The following CSMD1 variants were observed in gnomAD, a reference collection of about 807,000 sequenced individuals.
CSMD1 encodes the protein CUB and sushi domain-containing protein 1.
In CSMD1, 213 loss-of-function variants were observed where a neutral mutation model predicts 417.5. The ratio of observed to expected loss-of-function variants is 0.51; its 90% CI spans 0.46 to 0.57. CSMD1 has a LOEUF of 0.57. CSMD1 is among the 20% of genes least tolerant of loss of function. CSMD1 has a pLI of 0.00. For missense variants in CSMD1, 6,923 were observed against 4,529.7 expected, an observed-to-expected ratio of 1.53 and a Z score of -15.17; for synonymous variants, 2,862 against 1,736.8, an observed-to-expected ratio of 1.65 and a Z score of -16.11.
chr8:4,538,891 C>G (rs1313175790), intron 2 of CSMD1, among the ~76,000 whole-genome samples: 1 of 152,086 alleles, frequency 6.6e-6, no homozygotes, highest in Non-Finnish European at 1.5e-5. Context: ...CCAAAGTTCC[C>G]CTTTTATGGA....
At chr8:4,148,284 C>T (rs1343870849) in intron 3 of CSMD1, among the ~76,000 whole-genome samples, 2 of 146,710 alleles carry the variant, frequency 1.4e-5, no homozygotes, top group Non-Finnish European at 3.0e-5. Flanking sequence ...AACCAAACAC[C>T]ACATGTTCTC....
intron 1 of CSMD1, among the ~76,000 whole-genome samples, chr8:4,793,012 A>C (rs905336290): frequency 6.6e-6 from 1 of 151,830 alleles, no homozygotes; most frequent in Non-Finnish European, 1.5e-5. Flanking sequence ...ATATATCTCC[A>C]CACACATACA....
chr8:3,246,452 T>C (rs933439502), intron 26 of CSMD1, among the ~76,000 whole-genome samples: 1 of 152,046 alleles, frequency 6.6e-6, no homozygotes, highest in Admixed American at 6.6e-5. Context: ...TTCACCCCCA[T>C]TCTCTTTATT....
At chr8:3,202,582 A>C (rs1164143278) in intron 31 of CSMD1, among the ~76,000 whole-genome samples, 1 of 152,214 alleles carries the variant, frequency 6.6e-6, no homozygotes, top group Non-Finnish European at 1.5e-5. Context: ...ACTTACAAGC[A>C]ATGAACAACT....
chr8:4,589,319 T>G (rs748409608), intron 2 of CSMD1, among the ~76,000 whole-genome samples: 32 of 152,232 alleles, frequency 2.1e-4, no homozygotes, highest in Non-Finnish European at 3.7e-4. Context: ...CTCAGTGATC[T>G]TTAGCCATGT....
At chr8:4,804,037 C>T (rs988947444) in intron 1 of CSMD1, among the ~76,000 whole-genome samples, 4 of 152,118 alleles carry the variant, frequency 2.6e-5, no homozygotes, top group African/African-American at 7.2e-5. Flanking sequence ...TTTTAAATGC[C>T]AACAAAACAG....
chr8:3,840,533 A>T (rs1210836039), intron 5 of CSMD1, among the ~76,000 whole-genome samples: 2 of 152,148 alleles, frequency 1.3e-5, no homozygotes, highest in Non-Finnish European at 2.9e-5. Context: ...GAGGAAATGC[A>T]TTCATGTAAT....
intron 3 of CSMD1, among the ~76,000 whole-genome samples, chr8:4,254,447 A>G (rs1343486445): frequency 6.6e-6 from 1 of 152,154 alleles, no homozygotes; most frequent in Non-Finnish European, 1.5e-5. Flanking sequence ...CTGAACAATG[A>G]TCACTAAGCG....
chr8:3,074,102 G>A (rs986945002), intron 49 of CSMD1, among the ~76,000 whole-genome samples: 23 of 152,226 alleles, frequency 1.5e-4, no homozygotes, highest in Admixed American at 7.9e-4. Context: ...AGTGGTGGCA[G>A]AAATACGTTT....
Position 4,678,237 on chromosome 8 carries a change from C to T in CSMD1, c.86-40679G>A, listed in dbSNP as rs558063032. ...GTCAGCCTGGCCAACCTGGTGAAAC[C>T]CTGTCTCTAATGAAAATACAAAAAT... On this transcript the variant is annotated intron_variant, in intron 1 of 69. Coordinates refer to ENST00000635120, the MANE Select transcript of CSMD1 (RefSeq NM_033225.6). Among the ~76,000 whole-genome samples, 15 of 151,920 alleles carry T rather than the reference C, an allele frequency of 9.9e-5. No individual in the cohort carries two copies. The South Asian group carries it at 2.3e-3, about 23-fold the overall frequency.
intron 12 of CSMD1, among the ~76,000 whole-genome samples, 163 bp downstream of exon 12, chr8:3,468,549 C>G (rs181016421): frequency 5.9e-5 from 9 of 152,266 alleles, no homozygotes; most frequent in East Asian, 1.9e-4. Flanking sequence ...TTCTCATTCA[C>G]GAAAGCGAGT....
At chr8:2,963,612 G>C (rs1162883967) in intron 59 of CSMD1, among the ~76,000 whole-genome samples, 1 of 152,008 alleles carries the variant, frequency 6.6e-6, no homozygotes, top group East Asian at 1.9e-4. Flanking sequence ...GTCTATAAAA[G>C]CAAAGTCAAG....
intron 1 of CSMD1, among the ~76,000 whole-genome samples, chr8:4,685,426 C>A (rs1323352528): frequency 6.6e-6 from 1 of 151,750 alleles, no homozygotes; most frequent in African/African-American, 2.4e-5. Flanking sequence ...ATACAAAATA[C>A]TAGCTGAGTG....
chr8:3,036,075 T>A (rs1287704517), intron 50 of CSMD1, among the ~76,000 whole-genome samples: 1 of 152,180 alleles, frequency 6.6e-6, no homozygotes, highest in Non-Finnish European at 1.5e-5. Flanking sequence ...CAATATATAG[T>A]CCTGTGCATA....
intron 3 of CSMD1, among the ~76,000 whole-genome samples, chr8:4,338,631 A>G (rs1232461551): frequency 6.6e-6 from 1 of 152,146 alleles, no homozygotes; most frequent in Non-Finnish European, 1.5e-5. Context: ...TTAGGTCCAT[A>G]AATTTAGCTG....
chr8:4,904,756 C>T (rs1221593373), intron 1 of CSMD1, among the ~76,000 whole-genome samples: 1 of 152,072 alleles, frequency 6.6e-6, no homozygotes, highest in Non-Finnish European at 1.5e-5. Context: ...AACAAAAACA[C>T]CTTTAATATG....
chr8:3,603,475 C>T (rs1057252877), intron 8 of CSMD1, among the ~76,000 whole-genome samples: 4 of 152,126 alleles, frequency 2.6e-5, no homozygotes, highest in Non-Finnish European at 5.9e-5. Flanking sequence ...CCACTTTGTC[C>T]TCCTTCACCT....
chr8:4,154,655 T>C (rs1322730756), intron 3 of CSMD1, among the ~76,000 whole-genome samples: 2 of 152,222 alleles, frequency 1.3e-5, no homozygotes, highest in Non-Finnish European at 2.9e-5. Context: ...AATTGTATTC[T>C]AGTCCCTTAG....
intron 25 of CSMD1, among the ~76,000 whole-genome samples, chr8:3,289,950 A>G (rs1040599631): frequency 2.0e-5 from 3 of 147,536 alleles, no homozygotes; most frequent in Non-Finnish European, 4.4e-5. Flanking sequence ...TAGGGTTTTT[A>G]TAGTATTAGG....
Sources: allele counts gnomAD v4.1 joint callset (sites outside exome capture counted in the v4.1 genomes callset), GRCh38; gene constraint gnomAD v4.1.1; transcripts MANE v1.5; gene names NCBI Gene and HGNC (gene_info 2026-07-23, HGNC 2026-07-21).